The following NAV2 variants were observed in gnomAD, a reference collection of about 807,000 sequenced individuals.
NAV2 encodes neuron navigator 2, also known as helicase, APC down-regulated 1.
NAV2 carries 54 observed loss-of-function variants against 223.2 expected under a neutral mutation model. That is an observed-to-expected ratio of 0.24 (90% confidence interval 0.19 to 0.30). The LOEUF is 0.30. NAV2 is among the 10% of genes least tolerant of loss of function. NAV2 has a pLI of 1.00. For missense variants in NAV2, 2,806 were observed against 3,147.5 expected, an observed-to-expected ratio of 0.89 and a Z score of 2.60; for synonymous variants, 1,279 against 1,239.3, an observed-to-expected ratio of 1.03 and a Z score of -0.67.
intron 1 of NAV2, among the ~76,000 whole-genome samples, chr11:19,462,031 G>A (rs1852184889): frequency 6.6e-6 from 1 of 152,070 alleles, no homozygotes; most frequent in Non-Finnish European, 1.5e-5. Flanking sequence ...CTGGTCTCGA[G>A]CTCCTGACCT....
At chr11:19,848,847 T>C (rs2060954712) in intron 3 of NAV2, among the ~76,000 whole-genome samples, 1 of 152,220 alleles carries the variant, frequency 6.6e-6, no homozygotes, top group Admixed American at 6.5e-5. Context: ...TACATCTCTC[T>C]GAATGATAGC....
At chr11:19,846,978 C>G (rs972120605) in intron 3 of NAV2, among the ~76,000 whole-genome samples, 2 of 152,206 alleles carry the variant, frequency 1.3e-5, no homozygotes, top group Admixed American at 1.3e-4. Flanking sequence ...TCCCTCTCCC[C>G]CACCAAATTC....
intron 1 of NAV2, among the ~76,000 whole-genome samples, chr11:19,663,025 A>T (rs935964573): frequency 2.0e-5 from 3 of 152,088 alleles, no homozygotes; most frequent in Admixed American, 2.0e-4. Context: ...CCATTTGCCT[A>T]GTCCCCTGAG....
At chr11:19,647,658 G>C (rs776451099) in intron 1 of NAV2, among the ~76,000 whole-genome samples, 1 of 152,152 alleles carries the variant, frequency 6.6e-6, no homozygotes, top group Non-Finnish European at 1.5e-5. Flanking sequence ...ATACCTTGCT[G>C]TGTCTGTAGC....
At chr11:19,838,982 C>G (rs1163890946) in intron 2 of NAV2, among the ~76,000 whole-genome samples, 2 of 152,168 alleles carry the variant, frequency 1.3e-5, no homozygotes. Flanking sequence ...ACCCCTGGAG[C>G]TGGGCTTCCT....
intron 11 of NAV2, among the ~76,000 whole-genome samples, chr11:20,016,170 T>G (rs1364052078): frequency 1.3e-5 from 2 of 152,226 alleles, no homozygotes; most frequent in Non-Finnish European, 2.9e-5. Context: ...TGTCCTTTAC[T>G]GGAAATGCTG....
intron 29 of NAV2, among the ~76,000 whole-genome samples, chr11:20,093,704 G>A (rs867784478): frequency 5.3e-5 from 8 of 152,120 alleles, no homozygotes; most frequent in South Asian, 2.1e-4. Context: ...CTAGTGGGGC[G>A]TCCTGACTCC....
At chr11:19,799,983 G>T (rs2058142935) in intron 1 of NAV2, among the ~76,000 whole-genome samples, 1 of 152,186 alleles carries the variant, frequency 6.6e-6, no homozygotes, top group South Asian at 2.1e-4. Context: ...CTGGGTTTCA[G>T]CCCAGGGCTG....
At chr11:19,486,085 G>A (rs1436093287) in intron 1 of NAV2, among the ~76,000 whole-genome samples, 2 of 152,078 alleles carry the variant, frequency 1.3e-5, no homozygotes, top group South Asian at 2.1e-4. Flanking sequence ...TACAGCAAAA[G>A]CATCACCCCA....
chr11:19,641,481 C>T (rs1022458010), intron 1 of NAV2, among the ~76,000 whole-genome samples: 4 of 152,066 alleles, frequency 2.6e-5, no homozygotes, highest in African/African-American at 9.7e-5. Context: ...CCTCAGCAGC[C>T]AATGAGTTGA....
At chr11:19,348,901 G>C (rs1853139962), upstream of NAV2, among the ~76,000 whole-genome samples, 1 of 152,188 alleles carries the variant, frequency 6.6e-6, no homozygotes, top group Non-Finnish European at 1.5e-5. Flanking sequence ...ATTCAGAAAA[G>C]GGTAATACGT....
At chr11:20,021,253 T>G (rs2054485168) in intron 11 of NAV2, among the ~76,000 whole-genome samples, 1 of 152,246 alleles carries the variant, frequency 6.6e-6, no homozygotes, top group South Asian at 2.1e-4. Flanking sequence ...TCTATTTTGT[T>G]GACTGCTTGT....
chr11:20,044,208 G>T lies in NAV2; in HGVS notation c.3135G>T (p.Val1045=), dbSNP rs1282205764. 4 of 1,614,030 alleles carry T rather than the reference G, an allele frequency of 2.5e-6. No individual in the cohort carries two copies. The Admixed American group carries it at 6.7e-5, about 27-fold the overall frequency. Residue 1045 remains valine, a synonymous_variant, in exon 13 of 38, where the codon GTG becomes GTT. Coordinates refer to ENST00000349880, the MANE Select transcript of NAV2 (RefSeq NM_145117.5). Reference sequence around the variant, plus strand: ...GGCGGCGAGGCATGACAGCTCAGGTGGGCATCACCATGCCAAGGACGAAGC... The same window carrying T: ...GGCGGCGAGGCATGACAGCTCAGGTTGGCATCACCATGCCAAGGACGAAGC... ...GSWRRGMTAQ[V]GITMPRTKPS...
intron 18 of NAV2, 30 bp downstream of exon 18, chr11:20,054,270 G>A (rs1202634877): frequency 6.3e-7 from 1 of 1,584,930 alleles, no homozygotes; most frequent in Admixed American, 1.9e-5. Context: ...TACCTATGTT[G>A]ATCAGCTCCA....
intron 11 of NAV2, among the ~76,000 whole-genome samples, chr11:20,034,951 G>A (rs909522971): frequency 1.3e-4 from 20 of 152,168 alleles, no homozygotes; most frequent in African/African-American, 4.8e-4. Context: ...AGAGCCACTC[G>A]CAATGGAGAG....
chr11:19,834,372 C>T (rs562740826), intron 2 of NAV2, among the ~76,000 whole-genome samples: 25 of 152,296 alleles, frequency 1.6e-4, no homozygotes, highest in African/African-American at 5.8e-4. Context: ...GCTTCTAAAG[C>T]TTCTGTTCTT....
intron 3 of NAV2, among the ~76,000 whole-genome samples, chr11:19,852,445 T>G (rs2061195356): frequency 6.6e-6 from 1 of 152,148 alleles, no homozygotes; most frequent in African/African-American, 2.4e-5. Context: ...GACCCACAGT[T>G]TTTTATTTCT....
At chr11:19,447,311 T>C (rs144834685) in intron 1 of NAV2, among the ~76,000 whole-genome samples, 1 of 152,332 alleles carries the variant, frequency 6.6e-6, no homozygotes, top group African/African-American at 2.4e-5. Flanking sequence ...CAAATAATCA[T>C]TGGCATTTGC....
chr11:19,758,139 T>C (rs2054390986), intron 1 of NAV2, among the ~76,000 whole-genome samples: 2 of 152,252 alleles, frequency 1.3e-5, no homozygotes, highest in Admixed American at 1.3e-4. Context: ...AGGGTTTTGT[T>C]CACTCCGTTT....
Sources: gnomAD v4.1 joint callset for allele counts (sites outside exome capture counted in the v4.1 genomes callset) on GRCh38, gnomAD v4.1.1 for gene constraint, MANE v1.5 for transcripts, NCBI Gene and HGNC (gene_info 2026-07-23, HGNC 2026-07-21) for gene names.